ATP5PD: variants seen among roughly 807,000 people sequenced by gnomAD.
The protein encoded by ATP5PD is ATP synthase peripheral stalk subunit d.
Under a neutral mutation model 22.6 loss-of-function variants are expected in ATP5PD, and 13 were observed. The ratio of observed to expected loss-of-function variants is 0.58; its 90% confidence interval spans 0.37 to 0.91. The LOEUF is 0.91. Ranked by LOEUF, ATP5PD falls within the 40% of genes least tolerant of loss-of-function variation. ATP5PD has a pLI of 0.00. For synonymous variants in ATP5PD, 51 were observed against 65.0 expected, an observed-to-expected ratio of 0.79 and a Z score of 1.03; for missense variants, 165 against 188.0, an observed-to-expected ratio of 0.88 and a Z score of 0.72.
chr17:75,041,463 A>AAC (rs56229756), intron 3 of ATP5PD: 1 of 151,020 alleles, frequency 6.6e-6, no homozygotes, highest in Non-Finnish European at 1.5e-5. Context: ...AAAAAAAAAA[A>AAC]CAAAACGAAA....
At position 75,042,240 on chromosome 17, in the gene ATP5PD, AGTC is replaced by A. The variant is rs1555639989; in HGVS notation, c.157_159del (p.Asp53del). The A allele has an allele frequency of 3.1e-6, 5 of 1,614,216 alleles. No homozygotes were observed. The highest frequency in any genetic ancestry group is 4.2e-6 in the Non-Finnish European group (5 of 1,180,024). ...GCCACATTGGCCTTGTAGTAAGCCC[AGTC>A]GATAGCTGGTGGATTCTCAGGTAAA... is the stretch of plus-strand genomic sequence containing the variant. On this transcript the variant is annotated inframe_deletion, in exon 3 of 6. Transcript: ENST00000301587.
intron 1 of ATP5PD, among the ~76,000 whole-genome samples, chr17:75,043,326 TC>T: frequency 6.6e-6 from 1 of 152,166 alleles, no homozygotes; most frequent in South Asian, 2.1e-4. Context: ...AGCCCAGCTC[TC>T]TTGGCCGGGC....
At chr17:75,042,841 A>G (rs773825426) in intron 1 of ATP5PD, among the ~76,000 whole-genome samples, 182 bp from the exon 2 acceptor site, 1 of 152,236 alleles carries the variant, frequency 6.6e-6, no homozygotes, top group Middle Eastern at 3.4e-3. Context: ...AGACTGCATC[A>G]CTGCACTCCA....
intron 1 of ATP5PD, among the ~76,000 whole-genome samples, chr17:75,045,636 C>T (rs547553451): frequency 6.6e-6 from 1 of 151,672 alleles, no homozygotes; most frequent in East Asian, 2.0e-4. Context: ...CTGTTCTGCC[C>T]GGCTCACCGG....
At chr17:75,040,007 A>T in intron 4 of ATP5PD, 85 bp downstream of exon 4, 1 of 1,410,258 alleles carries the variant, frequency 7.1e-7, no homozygotes, top group Non-Finnish European at 9.9e-7. Context: ...TCTTCCATTT[A>T]ATTCACTCTA....
chr17:75,046,164 C>T (rs2073214023), intron 1 of ATP5PD, among the ~76,000 whole-genome samples: 1 of 152,078 alleles, frequency 6.6e-6, no homozygotes, highest in South Asian at 2.1e-4. Flanking sequence ...CTCACTGCAA[C>T]CTCCGCCTCC....
chr17:75,043,756 AGAC>A (rs2073184458), intron 1 of ATP5PD, among the ~76,000 whole-genome samples: 2 of 152,220 alleles, frequency 1.3e-5, no homozygotes, highest in East Asian at 3.8e-4. Flanking sequence ...ATTCTCCAGT[AGAC>A]AGAAACTGAC....
At position 75,040,153 on chromosome 17, in the gene ATP5PD, A is replaced by C. The variant is rs371625622; in HGVS notation, c.230T>G (p.Leu77Arg). ...VDDFEKKFNA[L>R]KVPVPEDKYT... ...TTTATCCTCTGGCACGGGAACCTTC[A>C]GCGCATTAAACTACAAACACAAGGG... The change falls in exon 4 of 6, where the codon CTG becomes CGG. Residue 77 changes from leucine (L) to arginine (R), a missense_variant. By Grantham distance (102) the Leu-to-Arg change is moderately radical (BLOSUM62 -2). Coordinates refer to ENST00000301587, the MANE Select transcript of ATP5PD (RefSeq NM_006356.3). 12 of 1,611,496 alleles carry C rather than the reference A, an allele frequency of 7.4e-6. No homozygotes were observed. The highest frequency in any genetic ancestry group is 9.3e-6 in the Non-Finnish European group (11 of 1,179,602).
intron 1 of ATP5PD, among the ~76,000 whole-genome samples, chr17:75,046,384 A>T (rs1052463725): frequency 6.6e-6 from 1 of 152,076 alleles, no homozygotes; most frequent in Non-Finnish European, 1.5e-5. Context: ...GCCCGGCGAA[A>T]TTTTTTTTAA....
chr17:75,042,122 C>G (rs1449811752), intron 3 of ATP5PD, 59 bp downstream of exon 3: 2 of 1,454,424 alleles, frequency 1.4e-6, no homozygotes, highest in Non-Finnish European at 1.9e-6. Context: ...TATCCCTGTT[C>G]CTGCTCCCTA....
rs796434185 is a variant in ATP5PD, at chr17:75,043,629, C to T, written c.-9-970G>A. 1.9e-3 allele frequency among the ~76,000 whole-genome samples: 264 copies of T among 137,588 alleles called. 4 individuals are homozygous for T. The highest frequency in any genetic ancestry group is 7.1e-3 in the African/African-American group (259 of 36,254). 90.3% of individuals were successfully genotyped at this position (137,588 alleles called of 152,430 possible). On this transcript the variant is annotated intron_variant, in intron 1 of 5. Coordinates refer to ENST00000301587, the MANE Select transcript of ATP5PD (RefSeq NM_006356.3). ...TCTGTCTCAAAAAAAAAAAAAAAAA[C>T]AAACCCCAGCTCTCTTTATCCCCTC...
chr17:75,039,914 T>C, intron 4 of ATP5PD, 178 bp downstream of exon 4: 1 of 692,494 alleles, frequency 1.4e-6, no homozygotes, highest in Non-Finnish European at 2.5e-6. Flanking sequence ...TCTTGTTGGC[T>C]TCTTTCACTC....
At chr17:75,045,510 C>A (rs1424489711) in intron 1 of ATP5PD, among the ~76,000 whole-genome samples, 1 of 152,204 alleles carries the variant, frequency 6.6e-6, no homozygotes, top group Non-Finnish European at 1.5e-5. Context: ...CCCAGGGGGG[C>A]CAGTTCAGAG....
chr17:75,045,508 G>A (rs1046907731), intron 1 of ATP5PD, among the ~76,000 whole-genome samples: 6 of 152,132 alleles, frequency 3.9e-5, no homozygotes, highest in East Asian at 3.8e-4. Flanking sequence ...GCCCCAGGGG[G>A]GCCAGTTCAG....
At chr17:75,041,877 C>A (rs2073165054) in intron 3 of ATP5PD, 1 of 249,070 alleles carries the variant, frequency 4.0e-6, no homozygotes, top group Non-Finnish European at 7.7e-6. Context: ...GAGCGGGGGA[C>A]CACCAGGTTG....
intron 1 of ATP5PD, among the ~76,000 whole-genome samples, 195 bp downstream of exon 1, chr17:75,046,730 C>T (rs981361636): frequency 1.3e-5 from 2 of 152,254 alleles, no homozygotes; most frequent in African/African-American, 4.8e-5. Flanking sequence ...CCCCCTGACC[C>T]CGCGCGCCAA....
intron 1 of ATP5PD, among the ~76,000 whole-genome samples, chr17:75,044,524 TAG>T (rs1309016908): frequency 6.8e-6 from 1 of 146,548 alleles, no homozygotes; most frequent in Non-Finnish European, 1.5e-5. Flanking sequence ...GTATTTTTAG[TAG>T]AGACAGGGTT....
intron 3 of ATP5PD, chr17:75,040,400 G>A (rs1022660520): frequency 2.7e-4 from 142 of 522,934 alleles, no homozygotes; most frequent in Non-Finnish European, 1.5e-4. Flanking sequence ...TCACTAACTC[G>A]GAACCCTGGA....
intron 2 of ATP5PD, 124 bp from the exon 3 acceptor site, chr17:75,042,401 C>G: frequency 6.7e-7 from 1 of 1,501,958 alleles, no homozygotes; most frequent in Non-Finnish European, 9.0e-7. Flanking sequence ...CTAAGATCAT[C>G]ATGAAAATGC....
Sources: gnomAD v4.1 joint callset for allele counts (sites outside exome capture counted in the v4.1 genomes callset) on GRCh38, gnomAD v4.1.1 for gene constraint, MANE v1.5 for transcripts, NCBI Gene and HGNC (gene_info 2026-07-23, HGNC 2026-07-21) for gene names.